MORC1: variants seen among roughly 807,000 people sequenced by gnomAD.
The protein encoded by MORC1 is MORC family CW-type zinc finger 1, also known as MORC family CW-type zinc finger protein 1.
A neutral mutation model predicts 134.9 loss-of-function variants in MORC1; 59 were observed. The observed-to-expected ratio is 0.44, with a 90% confidence interval of 0.35 to 0.54. MORC1 has a LOEUF of 0.54. MORC1 is among the 20% of genes least tolerant of loss of function. The pLI, the probability that MORC1 is intolerant of heterozygous loss-of-function variation, is 0.00. For synonymous variants in MORC1, 395 were observed against 391.7 expected, an observed-to-expected ratio of 1.01 and a Z score of -0.10; for missense variants, 947 against 1,134.5, an observed-to-expected ratio of 0.83 and a Z score of 2.37.
At chr3:109,094,875 T>G (rs1950799755) in intron 7 of MORC1, 34 bp downstream of exon 7, 2 of 1,525,534 alleles carry the variant, frequency 1.3e-6, no homozygotes, top group Admixed American at 4.9e-5. Flanking sequence ...AAACAAATAC[T>G]TCCATCAAAT....
rs1214692537 is a variant in MORC1 at position 109,002,936 on chromosome 3, C to T, written c.2085+1881G>A. Among the ~76,000 whole-genome samples the T allele has an allele frequency of 2.6e-5, 4 of 152,286 alleles. No homozygotes were observed. In the South Asian group the frequency reaches 8.3e-4, roughly 32 times the overall value. ...TAAAGTTCTTTGTATTCACCATATT[C>T]CCTCTTTAGCAAATGCTGTTCTCAT... is the stretch of plus-strand genomic sequence containing the variant. On this transcript the variant is annotated intron_variant, in intron 20 of 27. Transcript: ENST00000232603.
intron 24 of MORC1, among the ~76,000 whole-genome samples, chr3:108,976,294 G>C (rs968337439): frequency 1.3e-5 from 2 of 152,090 alleles, no homozygotes; most frequent in African/African-American, 4.8e-5. Flanking sequence ...ATACTTCAAA[G>C]GTCTCTAACT....
chr3:109,014,174 A>G (rs1307307412), intron 17 of MORC1, among the ~76,000 whole-genome samples: 1 of 152,204 alleles, frequency 6.6e-6, no homozygotes, highest in African/African-American at 2.4e-5. Context: ...TGCTAAATCT[A>G]TATAGCCATA....
At chr3:108,989,254 A>C (rs1947980986) in intron 21 of MORC1, among the ~76,000 whole-genome samples, 1 of 152,196 alleles carries the variant, frequency 6.6e-6, no homozygotes, top group South Asian at 2.1e-4. Context: ...TCAGTCACTT[A>C]GGCTTAACTG....
Position 109,057,468 on chromosome 3 carries a change from T to G in MORC1, c.1050A>C (p.Arg350Ser). The change falls in exon 13 of 28, where the codon AGA becomes AGC. Residue 350 changes from arginine to serine, a missense_variant. Around this residue, in one of 3 missense-constraint regions of MORC1, gnomAD observed 722 missense variants for 817.0 expected, o/e 0.88. Coordinates refer to ENST00000232603, the MANE Select transcript of MORC1 (RefSeq NM_014429.4). ...TCACTCCATAGAACAGGGAGAGCGT[T>G]CTTGCTGTTTTTAATTCTCTAGAGT... Reference protein sequence around the residue: ...KEKQRELKTARTLSLFYGVNV... With the variant: ...KEKQRELKTASTLSLFYGVNV... 1 of 1,597,908 alleles carries G rather than the reference T, an allele frequency of 6.3e-7. No individual in the cohort carries two copies. The highest frequency in any genetic ancestry group is 1.7e-4 in the Middle Eastern group (1 of 6,010).
intron 25 of MORC1, among the ~76,000 whole-genome samples, chr3:108,970,891 G>A (rs915904828): frequency 6.6e-6 from 1 of 152,190 alleles, no homozygotes; most frequent in Admixed American, 6.5e-5. Context: ...CTGTTCCTGA[G>A]AGGAGATTTG....
At chr3:109,049,362 A>C (rs1428436859) in intron 14 of MORC1, among the ~76,000 whole-genome samples, 1 of 152,216 alleles carries the variant, frequency 6.6e-6, no homozygotes, top group East Asian at 1.9e-4. Flanking sequence ...GTGATAGCAT[A>C]ATCAGGAAAA....
intron 15 of MORC1, among the ~76,000 whole-genome samples, chr3:109,034,933 G>A (rs1949339365): frequency 1.3e-5 from 2 of 151,932 alleles, no homozygotes; most frequent in African/African-American, 4.8e-5. Context: ...ATTTTTTGTA[G>A]GGGTGGGGTT....
At chr3:108,985,329 TATGATCCACTTGG>T (rs1947867600) in intron 22 of MORC1, among the ~76,000 whole-genome samples, 1 of 152,234 alleles carries the variant, frequency 6.6e-6, no homozygotes, top group East Asian at 1.9e-4. Flanking sequence ...GCAGAAATTC[TATGATCCACTTGG>T]ATTGTTTTAA....
intron 17 of MORC1, among the ~76,000 whole-genome samples, chr3:109,023,400 G>T (rs1371741211): frequency 6.6e-6 from 1 of 152,178 alleles, no homozygotes; most frequent in Non-Finnish European, 1.5e-5. Flanking sequence ...AGACCTAGGG[G>T]ACACATAAGC....
At chr3:109,114,604 C>T (rs1388758142) in intron 1 of MORC1, among the ~76,000 whole-genome samples, 167 bp from the exon 2 acceptor site, 1 of 152,138 alleles carries the variant, frequency 6.6e-6, no homozygotes, top group African/African-American at 2.4e-5. Flanking sequence ...GAACTAGATA[C>T]CCTCCATTAT....
At chr3:108,970,950 G>A (rs978374285) in intron 25 of MORC1, among the ~76,000 whole-genome samples, 1 of 152,150 alleles carries the variant, frequency 6.6e-6, no homozygotes, top group African/African-American at 2.4e-5. Flanking sequence ...GGTGATTTCG[G>A]TAAGATTAGT....
At chr3:109,068,112 T>C (rs965340254) in intron 9 of MORC1, among the ~76,000 whole-genome samples, 4 of 152,182 alleles carry the variant, frequency 2.6e-5, no homozygotes, top group African/African-American at 9.7e-5. Flanking sequence ...TCAAATGAAA[T>C]AGTTCAGGCA....
rs1576622240 is a variant in MORC1, at chr3:109,004,988, T to G, written c.2013+82A>C. On this transcript the variant is annotated intron_variant, in intron 19 of 27. Transcript: ENST00000232603. ...ATTTTATAATTAAAGTGTCTTAAAA[T>G]GTGAAAATGAAGCAAAACCTTGACT... 3 of 1,572,150 alleles carry G rather than the reference T, an allele frequency of 1.9e-6. No individual in the cohort carries two copies. In the African/African-American group the frequency reaches 4.1e-5, roughly 22 times the overall value.
chr3:109,033,849 A>G (rs569017215), intron 15 of MORC1, among the ~76,000 whole-genome samples: 93 of 152,296 alleles, frequency 6.1e-4, no homozygotes, highest in Non-Finnish European at 9.4e-4. Context: ...TCTATAATGT[A>G]GCTACAAGTA....
intron 9 of MORC1, among the ~76,000 whole-genome samples, chr3:109,064,805 A>G (rs1184605497): frequency 6.6e-6 from 1 of 152,202 alleles, no homozygotes; most frequent in Admixed American, 6.5e-5. Context: ...TGGTTCGTAT[A>G]ATATTGATAG....
chr3:109,054,194 T>C (rs557078829), intron 14 of MORC1, among the ~76,000 whole-genome samples: 15 of 151,970 alleles, frequency 9.9e-5, no homozygotes, highest in Admixed American at 2.0e-4. Context: ...AGGCAGAGAA[T>C]TGCTTGAACC....
At chr3:109,051,682 A>G (rs1240845729) in intron 14 of MORC1, among the ~76,000 whole-genome samples, 1 of 152,228 alleles carries the variant, frequency 6.6e-6, no homozygotes, top group Non-Finnish European at 1.5e-5. Flanking sequence ...GTTATCAAAC[A>G]ATAATAATAA....
intron 6 of MORC1, among the ~76,000 whole-genome samples, chr3:109,095,404 A>G (rs569761303): frequency 3.9e-5 from 6 of 152,328 alleles, no homozygotes; most frequent in South Asian, 2.1e-4. Flanking sequence ...CTAAAGCCCA[A>G]GCCAGAAAGC....
Sources: gnomAD v4.1 joint callset for allele counts (sites outside exome capture counted in the v4.1 genomes callset) on GRCh38, gnomAD v4.1.1 for gene constraint, gnomAD v4.1.1 regional missense constraint, MANE v1.5 for transcripts, NCBI Gene and HGNC (gene_info 2026-07-23, HGNC 2026-07-21) for gene names.